The following SLC15A1 variants were observed in gnomAD, a reference collection of about 807,000 sequenced individuals.
SLC15A1 encodes Caco-2 oligopeptide transporter.
In SLC15A1, 83 loss-of-function variants were observed where a neutral mutation model predicts 92.9. That is an observed-to-expected ratio of 0.89 (90% CI 0.75 to 1.07). The LOEUF (loss-of-function observed/expected upper bound fraction) is 1.07, where lower values mean the gene tolerates loss of function less well. SLC15A1 is among the 50% of genes least tolerant of loss of function. The pLI is 0.00. For synonymous variants in SLC15A1, 322 were observed against 318.2 expected (o/e 1.01, Z -0.13); for missense variants, 857 against 880.1 (o/e 0.97, Z 0.33).
chr13:98,723,776 C>A, intron 5 of SLC15A1, 136 bp downstream of exon 5: 1 of 1,203,806 alleles, frequency 8.3e-7, no homozygotes, highest in Non-Finnish European at 1.1e-6. Context: ...ATTTGACAGC[C>A]TTCTCCATGC....
chr13:98,694,515 GC>G (rs199794301), intron 18 of SLC15A1, among the ~76,000 whole-genome samples: 2,703 of 152,218 alleles, frequency 0.018, 33 homozygotes, highest in Admixed American at 0.026. Context: ...GTGGGTGCAT[GC>G]TCAAAATATT....
In SLC15A1 at chr13:98,687,717, C is replaced by T. The variant is rs2087940972; in HGVS notation, c.1691G>A (p.Ser564Asn). Reference protein sequence around the residue: ...YTYIVQRKNDSCPEVKVFEDI... With the variant: ...YTYIVQRKNDNCPEVKVFEDI... Reference sequence around the variant, plus strand: ...TTCAAACACCTTCACTTCAGGGCAGCTGTCATTCTGCAGCAGTAAGGCAAA... The same window carrying T: ...TTCAAACACCTTCACTTCAGGGCAGTTGTCATTCTGCAGCAGTAAGGCAAA... The change falls in exon 21 of 23, where the codon AGC (serine) becomes AAC (asparagine). Residue 564 changes from serine to asparagine, a missense_variant. Physicochemically the swap from Ser to Asn is conservative, Grantham distance 46. Transcript: ENST00000376503. 2 of 1,612,954 alleles carry T rather than the reference C, an allele frequency of 1.2e-6. No individual in the cohort carries two copies. Among genetic ancestry groups the T allele is most frequent in the Admixed American group, 3.3e-5 (2 of 59,730 alleles).
intron 2 of SLC15A1, 102 bp from the exon 3 acceptor site, chr13:98,726,551 T>C: frequency 9.6e-7 from 1 of 1,042,782 alleles, no homozygotes; most frequent in African/African-American, 1.6e-5. Context: ...GCAGATTCAG[T>C]AACTTACCGG....
intron 2 of SLC15A1, 89 bp downstream of exon 2, chr13:98,726,754 G>A: frequency 7.9e-7 from 1 of 1,272,284 alleles, no homozygotes; most frequent in Non-Finnish European, 1.1e-6. Context: ...CAGATGTACA[G>A]ATCTGTTAGG....
At chr13:98,724,677 G>A (rs547952409) in intron 4 of SLC15A1, among the ~76,000 whole-genome samples, 3 of 152,182 alleles carry the variant, frequency 2.0e-5, no homozygotes, top group African/African-American at 4.8e-5. Flanking sequence ...GTTTCACCAC[G>A]TTAGCCAGGA....
chr13:98,699,565 G>A (rs2088051261), intron 18 of SLC15A1, among the ~76,000 whole-genome samples: 2 of 152,176 alleles, frequency 1.3e-5, no homozygotes, highest in Non-Finnish European at 2.9e-5. Flanking sequence ...TATAACCAGA[G>A]CTTCTATAAA....
At chr13:98,696,640 C>T (rs1257862708) in intron 18 of SLC15A1, among the ~76,000 whole-genome samples, 4 of 152,082 alleles carry the variant, frequency 2.6e-5, no homozygotes, top group African/African-American at 9.7e-5. Flanking sequence ...ACCGGGTGAC[C>T]ACTGTCAGTG....
chr13:98,720,924 C>T (rs1235668361), intron 7 of SLC15A1: 11 of 352,102 alleles, frequency 3.1e-5, no homozygotes, highest in Admixed American at 7.5e-5. Flanking sequence ...TGGTGGCAGG[C>T]GCCTGTTGTC....
Position 98,718,430 on chromosome 13 carries a change from C to T in SLC15A1, c.640+807G>A, listed in dbSNP as rs574351917. On this transcript the variant is annotated intron_variant, in intron 8 of 22. Coordinates refer to ENST00000376503, the MANE Select transcript of SLC15A1 (RefSeq NM_005073.4). Reference sequence around the variant, plus strand: ...GACCTCCCAGGCTCAAGCAATCCTTCCACTTAAGCTTCCAGAGGAGCTGGG... The same window carrying T: ...GACCTCCCAGGCTCAAGCAATCCTTTCACTTAAGCTTCCAGAGGAGCTGGG... Among the ~76,000 whole-genome samples the T allele has an allele frequency of 2.0e-5, 3 of 149,988 alleles. No individual in the cohort carries two copies. In the Admixed American group the frequency reaches 2.0e-4, roughly 10 times the overall value.
At chr13:98,710,619 C>T (rs565094794) in intron 11 of SLC15A1, among the ~76,000 whole-genome samples, 3 of 151,750 alleles carry the variant, frequency 2.0e-5, no homozygotes, top group Admixed American at 6.6e-5. Flanking sequence ...AGTTGGAGAC[C>T]GGCCTGGTCA....
chr13:98,703,159 C>T (rs1490794572), intron 17 of SLC15A1, among the ~76,000 whole-genome samples: 5 of 104,640 alleles, frequency 4.8e-5, no homozygotes, highest in African/African-American at 1.1e-4. Context: ...AATGGATGGA[C>T]GGACAGAAGG....
Position 98,687,739 on chromosome 13 carries a change from C to T in SLC15A1, c.1684-15G>A. On this transcript the variant is annotated splice_polypyrimidine_tract_variant and intron_variant, in intron 20 of 22. Transcript: ENST00000376503. ...CAGCTGTCATTCTGCAGCAGTAAGG[C>T]AAAAGCAGAAGAAGTTGAGATAGCT... is the stretch of plus-strand genomic sequence containing the variant. 6.2e-7 allele frequency: 1 copy of T among 1,608,138 alleles called. No homozygotes were observed.
chr13:98,688,207 G>T, intron 20 of SLC15A1, 41 bp downstream of exon 20: 2 of 1,308,568 alleles, frequency 1.5e-6, no homozygotes, highest in South Asian at 2.4e-5. Context: ...TATCAATCGA[G>T]TATGAGCAGA....
chr13:98,686,933 ACTTTTT>A (rs1338054523), intron 21 of SLC15A1, among the ~76,000 whole-genome samples: 1 of 148,094 alleles, frequency 6.8e-6, no homozygotes, highest in African/African-American at 2.5e-5. Flanking sequence ...ATTCTTTTAA[ACTTTTT>A]CTTTTTCTTC....
chr13:98,720,752 G>GA (rs991539059), intron 7 of SLC15A1: 1 of 231,586 alleles, frequency 4.3e-6, no homozygotes, highest in South Asian at 6.9e-5. Context: ...GGAAAGCAAA[G>GA]AAAAAAACTT....
chr13:98,712,439 T>G lies in SLC15A1; in HGVS notation c.810+59A>C, dbSNP rs2088171182. ...CATGTAACCTTAATCTGAATTGAGA[T>G]TTTTCAGTGTTCACTTCCTGGGGGA... On this transcript the variant is annotated intron_variant, in intron 10 of 22. Coordinates refer to ENST00000376503, the MANE Select transcript of SLC15A1 (RefSeq NM_005073.4). 3.0e-6 allele frequency: 4 copies of G among 1,317,062 alleles called. No individual in the cohort carries two copies. The African/African-American group carries it at 5.8e-5, about 19-fold the overall frequency. 81.6% of individuals were successfully genotyped at this position (1,317,062 alleles called of 1,614,324 possible).
At chr13:98,686,790 A>G (rs1274196340) in intron 21 of SLC15A1, among the ~76,000 whole-genome samples, 1 of 152,142 alleles carries the variant, frequency 6.6e-6, no homozygotes, top group East Asian at 1.9e-4. Context: ...CTTTACTATA[A>G]AAATTGATGG....
intron 18 of SLC15A1, among the ~76,000 whole-genome samples, chr13:98,697,613 T>C (rs1050812249): frequency 6.9e-5 from 9 of 131,318 alleles, no homozygotes; most frequent in Non-Finnish European, 1.5e-4. Context: ...GACTGGCTGA[T>C]GCTTTTTTTT....
In SLC15A1 at chr13:98,699,368, C is replaced by G. The variant is rs2088049175; in HGVS notation, c.1466+3112G>C. 2.0e-5 allele frequency among the ~76,000 whole-genome samples: 3 copies of G among 152,324 alleles called. No homozygotes were observed. In the East Asian group the frequency reaches 5.8e-4, roughly 29 times the overall value. On this transcript the variant is annotated intron_variant, in intron 18 of 22. Transcript: ENST00000376503. The stretch of plus-strand genomic sequence containing the variant: ...CTCCAGCCCAGGGTGGGACCAGCCC[C>G]TCCCCACACCCTCAATGTTTAAGAA...
Sources: gnomAD v4.1 joint callset for allele counts (sites outside exome capture counted in the v4.1 genomes callset) on GRCh38, gnomAD v4.1.1 for gene constraint, MANE v1.5 for transcripts, NCBI Gene and HGNC (gene_info 2026-07-23, HGNC 2026-07-21) for gene names.